Variants in SCPEP1 observed in about 807,000 individuals in gnomAD.
SCPEP1 encodes retinoid-inducible serine carboxypeptidase.
In SCPEP1, 51 loss-of-function variants were observed where a neutral mutation model predicts 63.8. That is an observed-to-expected ratio of 0.80 (90% CI 0.64 to 1.01). The LOEUF is 1.01. SCPEP1 is among the 50% of genes least tolerant of loss of function. The pLI is 0.00. For missense variants in SCPEP1, 499 were observed against 554.9 expected, an observed-to-expected ratio of 0.90 and a Z score of 1.01; for synonymous variants, 204 against 207.8, an observed-to-expected ratio of 0.98 and a Z score of 0.16.
intron 5 of SCPEP1, 76 bp from the exon 6 acceptor site, chr17:56,991,023 A>G (rs984671249): frequency 1.0e-5 from 11 of 1,079,760 alleles, no homozygotes; most frequent in East Asian, 7.1e-5. Context: ...CCTCCTGCCT[A>G]AGCTTCCCAA....
intron 3 of SCPEP1, among the ~76,000 whole-genome samples, chr17:56,986,620 G>A (rs915141628): frequency 6.7e-6 from 1 of 150,278 alleles, no homozygotes; most frequent in African/African-American, 2.5e-5. Context: ...ATCTCGGCTC[G>A]CTGCAAGCTC....
intron 3 of SCPEP1, 125 bp from the exon 4 acceptor site, chr17:56,987,570 G>A (rs1911260653): frequency 2.5e-6 from 2 of 790,240 alleles, no homozygotes; most frequent in South Asian, 2.8e-5. Flanking sequence ...TTAGCAACAG[G>A]GATATCATCA....
intron 1 of SCPEP1, among the ~76,000 whole-genome samples, chr17:56,979,447 C>T (rs976096675): frequency 6.6e-6 from 1 of 151,334 alleles, no homozygotes; most frequent in Admixed American, 6.6e-5. Flanking sequence ...TCCCCCCCAT[C>T]ATCTTTTAAC....
chr17:56,990,855 G>A (rs547379290), intron 5 of SCPEP1, among the ~76,000 whole-genome samples: 9 of 151,978 alleles, frequency 5.9e-5, no homozygotes, highest in Admixed American at 1.3e-4. Context: ...GGCTAGCCTC[G>A]ACCTCCTGGG....
rs1454780782 is a variant in SCPEP1, at chr17:57,002,122, G to T, written c.1237G>T (p.Ala413Ser). ...YSDPKSLETS[A>S]FVKSYKNLAF... ...TGACCCTAAATCTTTGGAAACATCT[G>T]CTTTTGTCAAGTCCTACAAGAACCT... Residue 413 changes from alanine to serine, a missense_variant, in exon 12 of 13, where the codon GCT becomes TCT. Ala to Ser is a moderately conservative substitution (Grantham distance 99). Transcript: ENST00000262288. The T allele has an allele frequency of 6.2e-7, 1 of 1,614,082 alleles. No homozygotes were observed. Among genetic ancestry groups the T allele is most frequent in the Non-Finnish European group, 8.5e-7 (1 of 1,180,036 alleles).
chr17:56,988,409 TA>T lies in SCPEP1; in HGVS notation c.546+122del. The T allele has an allele frequency of 3.0e-6, 2 of 675,154 alleles. 1 individual carries two copies. Among genetic ancestry groups the T allele is most frequent in the South Asian group, 5.1e-5 (2 of 39,062 alleles). 41.8% of individuals were successfully genotyped at this position (675,154 alleles called of 1,614,324 possible). A position where few individuals can be genotyped will look rare whatever the true frequency, so the allele number is the denominator to read the frequency against. On this transcript the variant is annotated intron_variant, in intron 5 of 12. Coordinates refer to ENST00000262288, the MANE Select transcript of SCPEP1 (RefSeq NM_021626.3). ...GGGCCATGTACATGCAGAGTACGATTAAATCTGTAGTAATAACCATAAAAAG... is the reference window on the plus strand; with the variant it reads ...GGGCCATGTACATGCAGAGTACGATTAATCTGTAGTAATAACCATAAAAAG...
At chr17:57,001,446 A>T (rs114549574) in intron 11 of SCPEP1, among the ~76,000 whole-genome samples, 151 of 152,242 alleles carry the variant, frequency 9.9e-4, no homozygotes, top group African/African-American at 3.5e-3. Flanking sequence ...CCTATCACCT[A>T]CCACCTGTTT....
rs560805155 is a variant in SCPEP1 at position 56,997,551 on chromosome 17, G to T, written c.880+496G>T. ...AGGATACCCTAGGTTCCACTTTCTAGATGATTCTCTTTGGCCGTTCTGGAG... is the reference window on the plus strand; with the variant it reads ...AGGATACCCTAGGTTCCACTTTCTATATGATTCTCTTTGGCCGTTCTGGAG... On this transcript the variant is annotated intron_variant, in intron 9 of 12. Coordinates refer to ENST00000262288, the MANE Select transcript of SCPEP1 (RefSeq NM_021626.3). 1.4e-4 allele frequency among the ~76,000 whole-genome samples: 22 copies of T among 152,278 alleles called. 1 individual carries two copies. The highest frequency in any genetic ancestry group is 9.8e-4 in the Admixed American group (15 of 15,292).
intron 12 of SCPEP1, among the ~76,000 whole-genome samples, chr17:57,002,614 C>T (rs1430541769): frequency 2.6e-5 from 4 of 151,982 alleles, no homozygotes. Flanking sequence ...GGCTGAAGCA[C>T]GAGAATCACT....
At chr17:57,002,232 C>T (rs1157311481) in intron 12 of SCPEP1, 51 bp downstream of exon 12, 2 of 1,583,194 alleles carry the variant, frequency 1.3e-6, no homozygotes, top group Non-Finnish European at 8.6e-7. Context: ...AGAGGGAAGC[C>T]ACAGGCGGTT....
chr17:56,998,965 A>G (rs1049057445), intron 10 of SCPEP1, among the ~76,000 whole-genome samples: 3 of 151,840 alleles, frequency 2.0e-5, no homozygotes, highest in Non-Finnish European at 2.9e-5. Context: ...TAAAAAGGGG[A>G]AAAAAAAGAC....
chr17:56,992,880 A>G (rs1911442506), intron 6 of SCPEP1, among the ~76,000 whole-genome samples: 1 of 152,140 alleles, frequency 6.6e-6, no homozygotes, highest in Non-Finnish European at 1.5e-5. Flanking sequence ...AGTGTTATTC[A>G]TTGTGTTTGG....
At chr17:56,999,923 G>A (rs1333006864) in intron 10 of SCPEP1, among the ~76,000 whole-genome samples, 8 of 151,116 alleles carry the variant, frequency 5.3e-5, no homozygotes, top group Non-Finnish European at 7.4e-5. Flanking sequence ...CAGAGATTGC[G>A]GTGAGCCAAG....
rs773552422 is a variant in SCPEP1 at position 57,002,132 on chromosome 17, A to G, written c.1247A>G (p.Lys416Arg). ...TCTTTGGAAACATCTGCTTTTGTCAAGTCCTACAAGAACCTTGCTTTCTAC... is the reference window on the plus strand; with the variant it reads ...TCTTTGGAAACATCTGCTTTTGTCAGGTCCTACAAGAACCTTGCTTTCTAC... ...PKSLETSAFV[K>R]SYKNLAFYWI... Residue 416 changes from lysine (K) to arginine (R), a missense_variant, in exon 12 of 13, where the codon AAG (lysine) becomes AGG (arginine). Transcript: ENST00000262288. 6.2e-7 allele frequency: 1 copy of G among 1,614,240 alleles called. No homozygotes were observed. The highest frequency in any genetic ancestry group is 8.5e-7 in the Non-Finnish European group (1 of 1,180,040).
intron 2 of SCPEP1, among the ~76,000 whole-genome samples, chr17:56,982,383 C>T (rs73313826): frequency 0.042 from 6,435 of 152,218 alleles, 436 homozygotes; most frequent in African/African-American, 0.15. Context: ...TGAGATAGAG[C>T]GAAAATGAGC....
chr17:56,995,308 C>T lies in SCPEP1; in HGVS notation c.658-199C>T, dbSNP rs139375071. The stretch of plus-strand genomic sequence containing the variant: ...AATATGCAGAAATGTTGAAAGATCA[C>T]GGTGAATACCTACTTAGGTTCAGTT... On this transcript the variant is annotated intron_variant, in intron 7 of 12. Coordinates refer to ENST00000262288, the MANE Select transcript of SCPEP1 (RefSeq NM_021626.3). 598 of 592,708 alleles carry T rather than the reference C, an allele frequency of 1.0e-3. 1 individual carries two copies. Among genetic ancestry groups the T allele is most frequent in the Non-Finnish European group, 1.4e-3 (468 of 342,996 alleles). 36.7% of individuals were successfully genotyped at this position (592,708 alleles called of 1,614,324 possible). A position where few individuals can be genotyped will look rare whatever the true frequency, so the allele number is the denominator to read the frequency against.
chr17:56,992,969 T>TA (rs1911444329), intron 6 of SCPEP1, among the ~76,000 whole-genome samples: 1 of 152,190 alleles, frequency 6.6e-6, no homozygotes, highest in Non-Finnish European at 1.5e-5. Flanking sequence ...TCCTTCCAGA[T>TA]CCACTTTAAG....
chr17:57,006,347 C>A lies in SCPEP1; in HGVS notation c.*112C>A. 8.6e-6 allele frequency: 6 copies of A among 693,696 alleles called. No individual in the cohort carries two copies. The highest frequency in any genetic ancestry group is 1.4e-5 in the Non-Finnish European group (6 of 438,218). 43.0% of individuals were successfully genotyped at this position (693,696 alleles called of 1,614,324 possible). ...CCCTGTATCTAACTGGGGCTGTGATCAAGAAGGTTCTGACCAGCTTCTGCA... is the reference window on the plus strand; with the variant it reads ...CCCTGTATCTAACTGGGGCTGTGATAAAGAAGGTTCTGACCAGCTTCTGCA... On this transcript the variant is annotated 3_prime_UTR_variant, in exon 13 of 13. Coordinates refer to ENST00000262288, the MANE Select transcript of SCPEP1 (RefSeq NM_021626.3).
Position 56,978,222 on chromosome 17 carries a change from G to A in SCPEP1, c.63G>A (p.Leu21=). ...PRWLLLLPLL[L]GLNAGAVIDW... is the part of the protein sequence containing the mutation. Reference sequence around the variant, plus strand: ...GGTTGCTGCTGCTGCCGCTGCTGCTGGGCCTGAACGCAGGTAGGTTCAAGC... The same window carrying A: ...GGTTGCTGCTGCTGCCGCTGCTGCTAGGCCTGAACGCAGGTAGGTTCAAGC... Residue 21 remains leucine, a synonymous_variant, in exon 1 of 13, where the codon CTG becomes CTA. Coordinates refer to ENST00000262288, the MANE Select transcript of SCPEP1 (RefSeq NM_021626.3). 6.4e-7 allele frequency: 1 copy of A among 1,552,402 alleles called. No homozygotes were observed. The highest frequency in any genetic ancestry group is 8.7e-7 in the Non-Finnish European group (1 of 1,154,466).
Sources: allele counts gnomAD v4.1 joint callset (sites outside exome capture counted in the v4.1 genomes callset), GRCh38; gene constraint gnomAD v4.1.1; transcripts MANE v1.5; gene names NCBI Gene and HGNC (gene_info 2026-07-23, HGNC 2026-07-21).